Variants in SLC8A1 observed in about 807,000 individuals in gnomAD.
The protein encoded by SLC8A1 is solute carrier family 8 member A1.
SLC8A1 carries 18 observed loss-of-function variants against 68.3 expected under a neutral mutation model. The observed-to-expected ratio is 0.26, with a 90% CI of 0.18 to 0.39. SLC8A1 has a LOEUF of 0.39. Ranked by LOEUF, SLC8A1 falls within the 10% of genes least tolerant of loss-of-function variation. The pLI is 1.00. For missense variants in SLC8A1, 985 were observed against 1,156.7 expected (o/e 0.85, Z 2.15); for synonymous variants, 475 against 415.5 (o/e 1.14, Z -1.74).
chr2:40,301,371 A>G (rs555517857), intron 2 of SLC8A1, among the ~76,000 whole-genome samples: 1 of 152,350 alleles, frequency 6.6e-6, no homozygotes, highest in African/African-American at 2.4e-5. Context: ...ATATGAATCC[A>G]AAACTTATCC....
chr2:40,357,673 G>A (rs367882081), intron 2 of SLC8A1, among the ~76,000 whole-genome samples: 2 of 151,890 alleles, frequency 1.3e-5, no homozygotes, highest in African/African-American at 4.8e-5. Context: ...ACATGTATCC[G>A]AGAACTTAAA....
intron 2 of SLC8A1, among the ~76,000 whole-genome samples, chr2:40,365,593 TG>T (rs1382585630): frequency 6.6e-6 from 1 of 152,120 alleles, no homozygotes; most frequent in African/African-American, 2.4e-5. Flanking sequence ...TCAGAAATAT[TG>T]CTTCTTGTGC....
chr2:40,488,765 C>A (rs115103084), intron 1 of SLC8A1, among the ~76,000 whole-genome samples: 1 of 151,958 alleles, frequency 6.6e-6, no homozygotes, highest in East Asian at 1.9e-4. Flanking sequence ...AATTTGATTT[C>A]TTTGCTTGTC....
At chr2:40,325,484 G>C (rs1468410313) in intron 2 of SLC8A1, among the ~76,000 whole-genome samples, 1 of 152,092 alleles carries the variant, frequency 6.6e-6, no homozygotes, top group Non-Finnish European at 1.5e-5. Flanking sequence ...CAATTTATGA[G>C]CAACCTAAGC....
chr2:40,306,454 G>T (rs1054735392), intron 2 of SLC8A1, among the ~76,000 whole-genome samples: 2 of 143,454 alleles, frequency 1.4e-5, no homozygotes, highest in African/African-American at 2.9e-5. Flanking sequence ...AATGGTTGTG[G>T]GGGGGGGCAT....
intron 1 of SLC8A1, among the ~76,000 whole-genome samples, chr2:40,461,260 G>C (rs189044076): frequency 1.6e-3 from 250 of 152,194 alleles, no homozygotes; most frequent in African/African-American, 5.7e-3. Context: ...TGCTGTACCA[G>C]GCAGAGAGGA....
chr2:40,295,105 ATTT>A (rs537124088), intron 2 of SLC8A1, among the ~76,000 whole-genome samples: 1,843 of 147,086 alleles, frequency 0.013, 44 homozygotes, highest in African/African-American at 0.043. Flanking sequence ...AACAATTATT[ATTT>A]TTTTTTTTTG....
At position 40,472,794 on chromosome 2, in the gene SLC8A1, G is replaced by A. The variant is rs76380021; in HGVS notation, c.-25+39555C>T. 5.0e-3 allele frequency among the ~76,000 whole-genome samples: 763 copies of A among 152,150 alleles called. 5 individuals carry two copies. The highest frequency in any genetic ancestry group is 7.7e-3 in the Non-Finnish European group (523 of 67,986). ...ACCAATCAGTGGAATCTAAACTTAC[G>A]GATTACTAGATTTGTGAGAGATAAT... is the stretch of plus-strand genomic sequence containing the variant. On this transcript the variant is annotated intron_variant, in intron 1 of 7. Coordinates refer to the SLC8A1 transcript ENST00000402441.
At chr2:40,115,820 G>C (rs888064345) in intron 7 of SLC8A1, among the ~76,000 whole-genome samples, 191 bp from the exon 11 acceptor site, 1 of 152,188 alleles carries the variant, frequency 6.6e-6, no homozygotes, top group Admixed American at 6.5e-5. Flanking sequence ...GGGAGTTAAG[G>C]GTTCAGTGCT....
At chr2:40,402,084 G>A (rs759800708) in intron 2 of SLC8A1, among the ~76,000 whole-genome samples, 3 of 152,142 alleles carry the variant, frequency 2.0e-5, no homozygotes, top group Non-Finnish European at 4.4e-5. Context: ...GTCACAGGAC[G>A]CGATACAGGT....
At chr2:40,165,275 A>G (rs1390812591) in intron 4 of SLC8A1, among the ~76,000 whole-genome samples, 1 of 152,158 alleles carries the variant, frequency 6.6e-6, no homozygotes, top group Non-Finnish European at 1.5e-5. Flanking sequence ...CTGCCTGTAC[A>G]TTGTCTATGG....
intron 2 of SLC8A1, among the ~76,000 whole-genome samples, chr2:40,238,000 C>T (rs2060643442): frequency 6.6e-6 from 1 of 152,156 alleles, no homozygotes. Flanking sequence ...AACCACTGCT[C>T]TCTTCAAAGC....
intron 4 of SLC8A1, among the ~76,000 whole-genome samples, chr2:40,171,531 C>T (rs762892830): frequency 3.9e-5 from 6 of 152,100 alleles, no homozygotes. Context: ...AACTGGAAGT[C>T]ATAATGATGG....
chr2:40,226,606 C>G (rs961663103), intron 2 of SLC8A1, among the ~76,000 whole-genome samples: 9 of 152,096 alleles, frequency 5.9e-5, no homozygotes, highest in African/African-American at 2.2e-4. Flanking sequence ...TGCTTCCCTC[C>G]ACTCTAGAGG....
At chr2:40,383,648 T>A (rs10171704) in intron 2 of SLC8A1, among the ~76,000 whole-genome samples, 111,620 of 152,068 alleles carry the variant, frequency 0.73, 42,374 homozygotes, top group African/African-American at 0.93. Flanking sequence ...TCACACCAAC[T>A]AATTAAGTAA....
At chr2:40,435,357 G>A (rs985425925) in intron 1 of SLC8A1, among the ~76,000 whole-genome samples, 2 of 152,078 alleles carry the variant, frequency 1.3e-5, no homozygotes, top group Non-Finnish European at 1.5e-5. Context: ...CACCTAAAGT[G>A]AAAATTACTG....
intron 1 of SLC8A1, among the ~76,000 whole-genome samples, chr2:40,440,341 G>C (rs1020294788): frequency 6.6e-6 from 1 of 152,086 alleles, no homozygotes; most frequent in Admixed American, 6.5e-5. Context: ...ATTGAAAAAG[G>C]TAGAGAAAAA....
intron 2 of SLC8A1, among the ~76,000 whole-genome samples, chr2:40,352,931 G>C (rs983235577): frequency 2.0e-5 from 3 of 152,036 alleles, no homozygotes; most frequent in Non-Finnish European, 4.4e-5. Context: ...ATACATCTAC[G>C]AGAAACCAGG....
chr2:40,484,218 T>C (rs1409911406), intron 1 of SLC8A1, among the ~76,000 whole-genome samples: 1 of 152,222 alleles, frequency 6.6e-6, no homozygotes, highest in African/African-American at 2.4e-5. Flanking sequence ...ATTACAGCTT[T>C]TCCTTTGAGA....
Sources: allele counts gnomAD v4.1 joint callset (sites outside exome capture counted in the v4.1 genomes callset), GRCh38; gene constraint gnomAD v4.1.1; transcripts MANE v1.5; gene names NCBI Gene and HGNC (gene_info 2026-07-23, HGNC 2026-07-21).